Variants in ANK3 observed in about 807,000 individuals in gnomAD.
ANK3 encodes ankyrin-3.
Under a neutral mutation model 370.9 loss-of-function variants are expected in ANK3, and 57 were observed. That is an observed-to-expected ratio of 0.15 (90% CI 0.12 to 0.19). The LOEUF is 0.19. Ranked by LOEUF, ANK3 falls within the 10% of genes least tolerant of loss-of-function variation. The probability of loss-of-function intolerance (pLI) is 1.00; values close to 1 mark genes in which losing one functional copy is unlikely to be tolerated. For synonymous variants in ANK3, 1,929 were observed against 1,946.3 expected, an observed-to-expected ratio of 0.99 and a Z score of 0.23; for missense variants, 4,439 against 5,302.1, an observed-to-expected ratio of 0.84 and a Z score of 5.06.
chr10:60,338,536 A>G (rs1424448531), intron 1 of ANK3, among the ~76,000 whole-genome samples: 1 of 152,182 alleles, frequency 6.6e-6, no homozygotes, highest in Non-Finnish European at 1.5e-5. Flanking sequence ...CAGAAGGTCA[A>G]CAGCATCAGG....
intron 5 of ANK3, among the ~76,000 whole-genome samples, chr10:60,264,771 C>T (rs928846036): frequency 2.6e-5 from 4 of 151,966 alleles, no homozygotes; most frequent in Admixed American, 6.6e-5. Context: ...ATTACTGTGC[C>T]CTGTTGCCTC....
intron 5 of ANK3, among the ~76,000 whole-genome samples, chr10:60,264,572 G>T (rs1052280584): frequency 2.6e-5 from 4 of 151,626 alleles, no homozygotes; most frequent in Non-Finnish European, 5.9e-5. Context: ...GAATCTGGGA[G>T]GTGGAGACTG....
At position 60,433,688 on chromosome 10, in the gene ANK3, G is replaced by A. The variant is rs536795418; in HGVS notation, c.97-154049C>T. Among the ~76,000 whole-genome samples the A allele has an allele frequency of 7.2e-5, 11 of 152,280 alleles. No individual in the cohort carries two copies. The East Asian group carries it at 1.7e-3, about 24-fold the overall frequency. ...AGTAGGGAGGTGGAGGGCAGAGAAG[G>A]GAGCAGGAACCAGGAAGAAGGCTTG... On this transcript the variant is annotated intron_variant, in intron 2 of 43. Transcript: ENST00000373827.
Position 60,690,875 on chromosome 10 carries a change from C to T in ANK3, c.57+42388G>A, listed in dbSNP as rs368257567. Among the ~76,000 whole-genome samples, 65 of 152,242 alleles carry T rather than the reference C, an allele frequency of 4.3e-4. 1 individual carries two copies. The South Asian group carries it at 0.013, about 31-fold the overall frequency. Reference sequence around the variant, plus strand: ...TAGGAGCTGTTACTGAGTGTTTCTGCCCCCATGAAAAGGCATTGCGAATTC... The same window carrying T: ...TAGGAGCTGTTACTGAGTGTTTCTGTCCCCATGAAAAGGCATTGCGAATTC... On this transcript the variant is annotated intron_variant, in intron 1 of 43. Coordinates refer to the ANK3 transcript ENST00000373827.
At chr10:60,116,512 G>A (rs1488551055) in intron 25 of ANK3, among the ~76,000 whole-genome samples, 3 of 151,738 alleles carry the variant, frequency 2.0e-5, no homozygotes, top group African/African-American at 7.3e-5. Context: ...GCTTTTCAGG[G>A]AGAAGAAAAC....
In ANK3 at chr10:60,068,743, C is replaced by T. The variant is rs866529659; in HGVS notation, c.12138G>A (p.Gln4046=). 2 of 1,614,182 alleles carry T rather than the reference C, an allele frequency of 1.2e-6. No individual in the cohort carries two copies. The highest frequency in any genetic ancestry group is 2.2e-5 in the East Asian group (1 of 44,888). Residue 4046 remains glutamine, a synonymous_variant, in exon 37 of 44, where the codon CAG becomes CAA. Coordinates refer to ENST00000280772, the MANE Select transcript of ANK3 (RefSeq NM_020987.5). The part of the protein sequence containing the change: ...TSLSETSRGG[Q]PSVTTKSARD... Reference sequence around the variant, plus strand: ...TAGCAGACTTCGTTGTAACCGAAGGCTGGCCACCCCGGGAAGTCTCGGACA... The same window carrying T: ...TAGCAGACTTCGTTGTAACCGAAGGTTGGCCACCCCGGGAAGTCTCGGACA...
chr10:60,401,075 A>T (rs10761494), intron 2 of ANK3, among the ~76,000 whole-genome samples: 93,399 of 152,118 alleles, frequency 0.61, 29,098 homozygotes, highest in South Asian at 0.75. Context: ...TCGTGGATTT[A>T]AAAATCAGAA....
chr10:60,060,158 G>A lies in ANK3; in HGVS notation c.12596-728C>T, dbSNP rs2080090450. The A allele has an allele frequency of 7.5e-6, 4 of 531,584 alleles. No individual in the cohort carries two copies. In the East Asian group the frequency reaches 1.2e-4, roughly 17 times the overall value. The allele number at this position is 531,584 out of a possible 1,614,324, so 32.9% of individuals were successfully genotyped here. ...ATTTATCGGTTTAGTTCAATTAAAT[G>A]TAACACAATGAAATAAAAAGCCTAG... is the stretch of plus-strand genomic sequence containing the variant. On this transcript the variant is annotated intron_variant, in intron 40 of 43. Coordinates refer to ENST00000280772, the MANE Select transcript of ANK3 (RefSeq NM_020987.5).
At chr10:60,202,965 A>T in intron 12 of ANK3, 37 bp downstream of exon 12, 1 of 1,441,726 alleles carries the variant, frequency 6.9e-7, no homozygotes, top group Non-Finnish European at 9.6e-7. Flanking sequence ...TTTATTAAAT[A>T]CTCACAATGG....
intron 2 of ANK3, among the ~76,000 whole-genome samples, chr10:60,410,759 T>TG (rs11420186): frequency 0.12 from 18,247 of 152,162 alleles, 1,166 homozygotes; most frequent in South Asian, 0.14. Context: ...CTCAAACTCC[T>TG]GGTTCAAGGA....
chr10:60,242,459 C>T (rs2097480587), intron 7 of ANK3, among the ~76,000 whole-genome samples: 1 of 152,010 alleles, frequency 6.6e-6, no homozygotes, highest in African/African-American at 2.4e-5. Context: ...TAGAAATGTA[C>T]AGAAAAATTT....
chr10:60,730,037 G>A (rs1346228359), intron 1 of ANK3, among the ~76,000 whole-genome samples: 1 of 152,124 alleles, frequency 6.6e-6, no homozygotes. Flanking sequence ...AAGTGTCTGG[G>A]ATATATTTCA....
Position 60,063,287 on chromosome 10 carries a change from T to C in ANK3, c.12452-33A>G, listed in dbSNP as rs778753579. On this transcript the variant is annotated intron_variant, in intron 39 of 43. Coordinates refer to ENST00000280772, the MANE Select transcript of ANK3 (RefSeq NM_020987.5). ...GGAGAAAAAAAGGTTGAAAACCCAA[T>C]TAAATTATGTTCTTTCAGTCAGCAC... 8.2e-6 allele frequency: 13 copies of C among 1,584,888 alleles called. No individual in the cohort carries two copies. In the South Asian group the frequency reaches 1.4e-4, roughly 17 times the overall value.
chr10:60,396,957 T>C (rs931602317), intron 2 of ANK3, among the ~76,000 whole-genome samples: 2 of 152,186 alleles, frequency 1.3e-5, no homozygotes, highest in African/African-American at 2.4e-5. Flanking sequence ...TTTATGTTAG[T>C]GAGTTCTGAC....
intron 33 of ANK3, 75 bp downstream of exon 33, chr10:60,083,417 T>G (rs1589737121): frequency 6.1e-6 from 9 of 1,478,864 alleles, no homozygotes; most frequent in Non-Finnish European, 7.4e-6. Context: ...AATAAATCAT[T>G]AAAACCTTTT....
intron 23 of ANK3, among the ~76,000 whole-genome samples, chr10:60,150,737 C>A (rs117370177): frequency 0.022 from 3,303 of 152,194 alleles, 60 homozygotes; most frequent in Non-Finnish European, 0.034. Flanking sequence ...TTCCTGCTCC[C>A]CCTTCTCCTT....
chr10:60,669,379 G>A (rs1037701090), intron 1 of ANK3, among the ~76,000 whole-genome samples: 2 of 152,126 alleles, frequency 1.3e-5, no homozygotes, highest in African/African-American at 4.8e-5. Context: ...TTATCTACTG[G>A]TGATTTTGGT....
intron 1 of ANK3, among the ~76,000 whole-genome samples, chr10:60,635,601 G>A (rs547101570): frequency 6.6e-6 from 1 of 152,154 alleles, no homozygotes; most frequent in East Asian, 1.9e-4. Flanking sequence ...TCCAAACTAT[G>A]AGGAGGTATT....
At chr10:60,538,077 C>T (rs2076764519) in intron 2 of ANK3, among the ~76,000 whole-genome samples, 1 of 151,820 alleles carries the variant, frequency 6.6e-6, no homozygotes, top group African/African-American at 2.4e-5. Flanking sequence ...TGTGGTTATA[C>T]TTAATTTTGT....
Sources: gnomAD v4.1 joint callset for allele counts (sites outside exome capture counted in the v4.1 genomes callset) on GRCh38, gnomAD v4.1.1 for gene constraint, MANE v1.5 for transcripts, NCBI Gene and HGNC (gene_info 2026-07-23, HGNC 2026-07-21) for gene names.